ARRB1: variants seen among roughly 807,000 people sequenced by gnomAD.
ARRB1 encodes the protein arrestin beta 1.
Under a neutral mutation model 56.8 loss-of-function variants are expected in ARRB1, and 21 were observed. That is an observed-to-expected ratio of 0.37 (90% CI 0.26 to 0.53). The LOEUF (loss-of-function observed/expected upper bound fraction) is 0.53. Among genes scored for constraint, ARRB1 ranks in the 20% least tolerant of loss-of-function variants. The probability of loss-of-function intolerance (pLI) is 0.88; values close to 1 mark genes in which losing one functional copy is unlikely to be tolerated. For synonymous variants in ARRB1, 210 were observed against 218.6 expected, an observed-to-expected ratio of 0.96 and a Z score of 0.35; for missense variants, 424 against 553.7, an observed-to-expected ratio of 0.77 and a Z score of 2.35.
intron 1 of ARRB1, among the ~76,000 whole-genome samples, chr11:75,297,422 A>G (rs1946777581): frequency 6.6e-6 from 1 of 152,206 alleles, no homozygotes; most frequent in East Asian, 1.9e-4. Flanking sequence ...ATGAACTCAT[A>G]TATTTATGGT....
intron 1 of ARRB1, among the ~76,000 whole-genome samples, chr11:75,347,876 A>G (rs1470438339): frequency 6.6e-6 from 1 of 152,094 alleles, no homozygotes; most frequent in Non-Finnish European, 1.5e-5. Context: ...ATTCACATTC[A>G]TATTTCTCAA....
intron 1 of ARRB1, among the ~76,000 whole-genome samples, chr11:75,326,183 G>A (rs950426803): frequency 5.9e-5 from 9 of 152,182 alleles, no homozygotes; most frequent in Non-Finnish European, 1.2e-4. Flanking sequence ...AACAGCCAAG[G>A]CTCCAGGCTG....
chr11:75,340,946 T>C (rs534887661), intron 1 of ARRB1, among the ~76,000 whole-genome samples: 35 of 152,040 alleles, frequency 2.3e-4, no homozygotes, highest in African/African-American at 8.2e-4. Flanking sequence ...CCCTGGGCAA[T>C]CTCACTTCCC....
At chr11:75,336,435 G>A (rs193251794) in intron 1 of ARRB1, among the ~76,000 whole-genome samples, 4 of 152,116 alleles carry the variant, frequency 2.6e-5, no homozygotes, top group South Asian at 2.1e-4. Context: ...TCCTCTCAGC[G>A]CCCAAGGCAG....
chr11:75,308,678 G>T (rs1947087227), intron 1 of ARRB1, among the ~76,000 whole-genome samples: 1 of 151,938 alleles, frequency 6.6e-6, no homozygotes, highest in Admixed American at 6.6e-5. Flanking sequence ...CTGGGAGACG[G>T]AGGTTGCAGT....
chr11:75,320,824 G>A (rs1947337932), intron 1 of ARRB1, among the ~76,000 whole-genome samples: 1 of 152,180 alleles, frequency 6.6e-6, no homozygotes, highest in South Asian at 2.1e-4. Context: ...GCACAGAGAT[G>A]GCCCTGGACT....
intron 9 of ARRB1, 101 bp from the exon 10 acceptor site, chr11:75,277,012 G>C (rs1946215723): frequency 1.7e-6 from 2 of 1,193,834 alleles, no homozygotes; most frequent in Admixed American, 3.6e-5. Context: ...CCAGGCAATG[G>C]CCAGAGGCCA....
Position 75,306,112 on chromosome 11 carries a change from G to A in ARRB1, c.21-16073C>T, listed in dbSNP as rs113276950. Reference sequence around the variant, plus strand: ...AACCCACTGACCCCATTTCAGTCCCGCTGGAGGCCCTGGCCACCTGACTCC... The same window carrying A: ...AACCCACTGACCCCATTTCAGTCCCACTGGAGGCCCTGGCCACCTGACTCC... On this transcript the variant is annotated intron_variant, in intron 1 of 15. Transcript: ENST00000420843. Among the ~76,000 whole-genome samples the A allele has an allele frequency of 4.5e-3, 683 of 152,058 alleles. 5 individuals carry two copies. Among genetic ancestry groups the A allele is most frequent in the Middle Eastern group, 6.8e-3 (2 of 294 alleles).
At position 75,317,519 on chromosome 11, in the gene ARRB1, CA is replaced by C. The variant is rs563063294; in HGVS notation, c.21-27481del. 1.4e-3 allele frequency among the ~76,000 whole-genome samples: 207 copies of C among 152,316 alleles called. 1 individual carries two copies. Among genetic ancestry groups the C allele is most frequent in the African/African-American group, 4.9e-3 (204 of 41,560 alleles). ...AGCCTTTAGTGAGCTGCAACTAGGTCAGATCCCCCCATCAGACAATCTCCTG... is the reference window on the plus strand; with the variant it reads ...AGCCTTTAGTGAGCTGCAACTAGGTCGATCCCCCCATCAGACAATCTCCTG... On this transcript the variant is annotated intron_variant, in intron 1 of 15. Coordinates refer to ENST00000420843, the MANE Select transcript of ARRB1 (RefSeq NM_004041.5).
intron 2 of ARRB1, among the ~76,000 whole-genome samples, chr11:75,288,923 G>A (rs779843670): frequency 1.2e-4 from 19 of 152,166 alleles, no homozygotes; most frequent in South Asian, 2.1e-4. Context: ...TGCTACTGCC[G>A]CCTGAAACCC....
intron 1 of ARRB1, 47 bp downstream of exon 1, chr11:75,351,541 G>A: frequency 6.7e-7 from 1 of 1,497,796 alleles, no homozygotes; most frequent in East Asian, 2.8e-5. Flanking sequence ...TGTCCTCGCC[G>A]AGGTCGCCCC....
At chr11:75,311,474 C>T (rs1947156565) in intron 1 of ARRB1, among the ~76,000 whole-genome samples, 1 of 152,216 alleles carries the variant, frequency 6.6e-6, no homozygotes, top group Admixed American at 6.5e-5. Context: ...ACTTGAAGCA[C>T]AATGAAGAGT....
intron 1 of ARRB1, among the ~76,000 whole-genome samples, chr11:75,307,907 GA>G (rs1213626550): frequency 6.6e-6 from 1 of 152,214 alleles, no homozygotes. Context: ...GGCTGGATGT[GA>G]CCCAGATGGG....
At chr11:75,267,369 G>A (rs1046911349) in intron 15 of ARRB1, among the ~76,000 whole-genome samples, 1 of 152,168 alleles carries the variant, frequency 6.6e-6, no homozygotes, top group Admixed American at 6.5e-5. Context: ...TGTGTGAGCC[G>A]AGCAGGCGCT....
At position 75,263,882 on chromosome 11, in the gene ARRB1, A is replaced by G. The variant is rs995940231; in HGVS notation, c.*2281T>C. Among the ~76,000 whole-genome samples, 3 of 152,244 alleles carry G rather than the reference A, an allele frequency of 2.0e-5. No homozygotes were observed. The highest frequency in any genetic ancestry group is 2.9e-5 in the Non-Finnish European group (2 of 68,036). ...GAAACCAGCCTGACAAACGTTTTCC[A>G]TGCATGAGTTAGGGATAGGGGAAGA... is the stretch of plus-strand genomic sequence containing the variant. On this transcript the variant is annotated 3_prime_UTR_variant, in exon 16 of 16. Transcript: ENST00000420843.
intron 1 of ARRB1, among the ~76,000 whole-genome samples, chr11:75,321,771 T>C (rs1947352838): frequency 6.6e-6 from 1 of 152,204 alleles, no homozygotes; most frequent in Admixed American, 6.5e-5. Context: ...ACACATTAGA[T>C]CTTCTTATGA....
intron 1 of ARRB1, among the ~76,000 whole-genome samples, chr11:75,343,633 C>A (rs75001185): frequency 0.014 from 2,187 of 152,268 alleles, 57 homozygotes; most frequent in African/African-American, 0.049. Flanking sequence ...AGCCACCCAG[C>A]TGGTAAGTGT....
Position 75,266,155 on chromosome 11 carries a change from CG to C in ARRB1, c.*7del. On this transcript the variant is annotated 3_prime_UTR_variant, in exon 16 of 16. Coordinates refer to ENST00000420843, the MANE Select transcript of ARRB1 (RefSeq NM_004041.5). ...AGCCGGAGCCACGTGGAGGCAGGGC[CG>C]GCCCGTCTATCTGTTGTTGAGCTGT... 1 of 1,611,702 alleles carries C rather than the reference CG, an allele frequency of 6.2e-7. No homozygotes were observed. The highest frequency in any genetic ancestry group is 1.1e-5 in the South Asian group (1 of 91,034).
At chr11:75,282,707 T>C (rs763865799) in intron 5 of ARRB1, among the ~76,000 whole-genome samples, 76 of 152,326 alleles carry the variant, frequency 5.0e-4, no homozygotes, top group Middle Eastern at 3.4e-3. Context: ...TTTGTGGCAA[T>C]CTGTTTCAGC....
Sources: gnomAD v4.1 joint callset for allele counts (sites outside exome capture counted in the v4.1 genomes callset) on GRCh38, gnomAD v4.1.1 for gene constraint, MANE v1.5 for transcripts, NCBI Gene and HGNC (gene_info 2026-07-23, HGNC 2026-07-21) for gene names.